PIK3R3: variants seen among roughly 807,000 people sequenced by gnomAD.
PIK3R3 encodes phosphatidylinositol 3-kinase regulatory subunit gamma.
Under a neutral mutation model 62.9 loss-of-function variants are expected in PIK3R3, and 64 were observed. The ratio of observed to expected loss-of-function variants is 1.02; its 90% confidence interval spans 0.83 to 1.25. The LOEUF (loss-of-function observed/expected upper bound fraction) is 1.25, where lower values mean the gene tolerates loss of function less well. Ranked by LOEUF, PIK3R3 falls within the 50% of genes most tolerant of loss-of-function variation. The probability of loss-of-function intolerance (pLI) is 0.00; values close to 1 mark genes in which losing one functional copy is unlikely to be tolerated. For synonymous variants in PIK3R3, 165 were observed against 189.0 expected (o/e 0.87, Z 1.04); for missense variants, 614 against 561.6 (o/e 1.09, Z -0.94).
At chr1:46,075,579 G>T (rs1167417577) in intron 3 of PIK3R3, among the ~76,000 whole-genome samples, 1 of 151,834 alleles carries the variant, frequency 6.6e-6, no homozygotes, top group Admixed American at 6.6e-5. Flanking sequence ...CCATGACCAT[G>T]CCACTGCACT....
chr1:46,082,827 G>A (rs1400167254), intron 1 of PIK3R3, among the ~76,000 whole-genome samples: 1 of 152,116 alleles, frequency 6.6e-6, no homozygotes, highest in African/African-American at 2.4e-5. Flanking sequence ...CACTTTGAGA[G>A]GTGGAGGCGG....
chr1:46,166,247 A>AGC, the PIK3R3 span, among the ~76,000 whole-genome samples: 1 of 145,584 alleles, frequency 6.9e-6, no homozygotes, highest in Non-Finnish European at 1.5e-5. Context: ...TTTCTGAGAC[A>AGC]GAGTCTCGCT....
Position 46,066,171 on chromosome 1 carries a change from C to A in PIK3R3, c.504G>T (p.Leu168Phe). The change falls in exon 5 of 10, where the codon TTG becomes TTT. Residue 168 changes from leucine to phenylalanine, a missense_variant. Leu to Phe is a conservative substitution (Grantham distance 22). Coordinates refer to ENST00000262741, the MANE Select transcript of PIK3R3 (RefSeq NM_003629.4). ...CTGCATCAATATTATCTTCTTTTAC[C>A]AACTGATCCTATACAGGTAAAGAAA... ...YPVSRYQQDQ[L>F]VKEDNIDAVG... The A allele has an allele frequency of 6.4e-7, 1 of 1,570,374 alleles. No homozygotes were observed. The highest frequency in any genetic ancestry group is 8.8e-7 in the Non-Finnish European group (1 of 1,141,744).
intron 9 of PIK3R3, among the ~76,000 whole-genome samples, chr1:46,045,094 C>G (rs1428372612): frequency 6.6e-6 from 1 of 152,230 alleles, no homozygotes; most frequent in Non-Finnish European, 1.5e-5. Context: ...TGTCCCTGCA[C>G]TGTTAAAAGC....
At position 46,109,092 on chromosome 1, in the gene PIK3R3, G is replaced by C. The variant is rs372221898; in HGVS notation, c.106+22755C>G. ...GAGAATGGCATGAACCCGGGAGGTG[G>C]AGCTTGCAGTAAGCCAAGATCACGC... On this transcript the variant is annotated intron_variant, in intron 1 of 9. Transcript: ENST00000262741. 4.0e-5 allele frequency among the ~76,000 whole-genome samples: 6 copies of C among 151,318 alleles called. No homozygotes were observed. The East Asian group carries it at 1.2e-3, about 29-fold the overall frequency.
chr1:46,112,370 G>A (rs1653815321), intron 1 of PIK3R3, among the ~76,000 whole-genome samples: 1 of 152,084 alleles, frequency 6.6e-6, no homozygotes, highest in Admixed American at 6.6e-5. Context: ...GGATATTCAG[G>A]CTGTTTTTAG....
the PIK3R3 span, among the ~76,000 whole-genome samples, chr1:46,173,257 G>A: frequency 6.6e-6 from 1 of 152,140 alleles, no homozygotes; most frequent in African/African-American, 2.4e-5. Context: ...GAACATCATC[G>A]CAAACGGAGC....
intron 1 of PIK3R3, chr1:46,105,221 C>G (rs769630687): frequency 5.0e-5 from 21 of 423,416 alleles, no homozygotes; most frequent in Non-Finnish European, 7.3e-5. Context: ...AACAGCTCAT[C>G]AGCTGGGCAC....
intron 1 of PIK3R3, among the ~76,000 whole-genome samples, chr1:46,117,288 C>G (rs973538351): frequency 1.3e-5 from 2 of 152,098 alleles, no homozygotes; most frequent in Non-Finnish European, 2.9e-5. Flanking sequence ...AAAAAATTAG[C>G]TAGGTATGGT....
the PIK3R3 span, among the ~76,000 whole-genome samples, chr1:46,159,462 A>T: frequency 6.6e-6 from 1 of 152,200 alleles, no homozygotes; most frequent in Admixed American, 6.5e-5. Flanking sequence ...AAATTATATT[A>T]TAATAAGACT....
the PIK3R3 span, among the ~76,000 whole-genome samples, chr1:46,160,614 T>C: frequency 9.9e-4 from 151 of 152,354 alleles, no homozygotes; most frequent in Non-Finnish European, 1.0e-3. Flanking sequence ...GGCTGTCCCC[T>C]TGAATGGCAA....
chr1:46,045,623 T>TG (rs1647091953), intron 9 of PIK3R3, among the ~76,000 whole-genome samples: 1 of 123,884 alleles, frequency 8.1e-6, no homozygotes, highest in African/African-American at 3.0e-5. Flanking sequence ...AGTGCTTTTT[T>TG]TTTTTTTTTT....
intron 1 of PIK3R3, among the ~76,000 whole-genome samples, chr1:46,124,319 A>C (rs1654907615): frequency 6.6e-6 from 1 of 152,178 alleles, no homozygotes; most frequent in South Asian, 2.1e-4. Context: ...CTAGTTTTGT[A>C]ATCTATGTCA....
chr1:46,137,966 G>T (rs1053274648), upstream of PIK3R3, among the ~76,000 whole-genome samples: 1 of 152,142 alleles, frequency 6.6e-6, no homozygotes, highest in African/African-American at 2.4e-5. Context: ...GAACCAAGAG[G>T]GGCAGACAAT....
intron 7 of PIK3R3, among the ~76,000 whole-genome samples, chr1:46,052,092 C>G (rs988990422): frequency 6.6e-6 from 1 of 151,760 alleles, no homozygotes; most frequent in Non-Finnish European, 1.5e-5. Context: ...GAGCTGAGAT[C>G]GCGCCACTGC....
At chr1:46,115,157 G>GA (rs972756783) in intron 1 of PIK3R3, among the ~76,000 whole-genome samples, 37 of 151,884 alleles carry the variant, frequency 2.4e-4, no homozygotes, top group African/African-American at 8.2e-4. Context: ...GCCCGTTTGA[G>GA]AAAAAAAAGC....
chr1:46,114,890 C>A (rs548015087), intron 1 of PIK3R3, among the ~76,000 whole-genome samples: 1 of 150,282 alleles, frequency 6.7e-6, no homozygotes, highest in African/African-American at 2.5e-5. Flanking sequence ...GCTGGGATTA[C>A]AGGCATGAGC....
At chr1:46,064,454 T>C (rs971026203) in intron 5 of PIK3R3, among the ~76,000 whole-genome samples, 4 of 151,884 alleles carry the variant, frequency 2.6e-5, no homozygotes, top group Non-Finnish European at 5.9e-5. Context: ...GGCAGGAGAA[T>C]TGCTTGAACC....
chr1:46,080,213 C>T (rs920744249), intron 2 of PIK3R3, among the ~76,000 whole-genome samples: 1 of 151,518 alleles, frequency 6.6e-6, no homozygotes, highest in Non-Finnish European at 1.5e-5. Flanking sequence ...AGGCGCATGC[C>T]AACATGCCCA....
Sources: allele counts gnomAD v4.1 joint callset (sites outside exome capture counted in the v4.1 genomes callset), GRCh38; gene constraint gnomAD v4.1.1; transcripts MANE v1.5; gene names NCBI Gene and HGNC (gene_info 2026-07-23, HGNC 2026-07-21).